The following DIS3L2 variants were observed in gnomAD, a reference collection of about 807,000 sequenced individuals.
DIS3L2 encodes the protein DIS3-like exonuclease 2.
A neutral mutation model predicts 97.5 loss-of-function variants in DIS3L2; 34 were observed. That is an observed-to-expected ratio of 0.35 (90% CI 0.27 to 0.46). DIS3L2 has a LOEUF of 0.46. DIS3L2 is among the 20% of genes least tolerant of loss of function. DIS3L2 has a pLI of 1.00. For missense variants in DIS3L2, 1,038 were observed against 1,146.0 expected (o/e 0.91, Z 1.36); for synonymous variants, 435 against 445.2 (o/e 0.98, Z 0.29).
chr2:232,322,399 G>A (rs1695460997), intron 14 of DIS3L2, among the ~76,000 whole-genome samples: 1 of 152,214 alleles, frequency 6.6e-6, no homozygotes. Flanking sequence ...CCACACTGTG[G>A]CATGGGACCT....
chr2:232,059,664 G>C (rs1695647796), intron 5 of DIS3L2, among the ~76,000 whole-genome samples: 1 of 152,072 alleles, frequency 6.6e-6, no homozygotes, highest in African/African-American at 2.4e-5. Flanking sequence ...AGTCCCCAGT[G>C]TCTGTTGCTG....
chr2:232,329,785 T>TACCGGGGG, intron 14 of DIS3L2, 28 bp from the exon 15 acceptor site: 9 of 967,134 alleles, frequency 9.3e-6, no homozygotes, highest in Non-Finnish European at 1.2e-5. Flanking sequence ...ACCCCAGCGG[T>TACCGGGGG]CCCTCCCATC....
chr2:232,079,367 C>T (rs1015754754), intron 5 of DIS3L2, among the ~76,000 whole-genome samples: 6 of 151,750 alleles, frequency 4.0e-5, no homozygotes, highest in Non-Finnish European at 8.8e-5. Context: ...GAGGCTGAGG[C>T]GGGCAGATCA....
intron 1 of DIS3L2, among the ~76,000 whole-genome samples, chr2:231,980,784 C>G (rs532294793): frequency 3.3e-5 from 5 of 152,094 alleles, no homozygotes; most frequent in African/African-American, 1.2e-4. Flanking sequence ...ACTTTTTCAA[C>G]TCATTTTTAA....
chr2:232,269,397 T>C lies in DIS3L2; in HGVS notation c.1659+5957T>C, dbSNP rs1693927126. Among the ~76,000 whole-genome samples, 4 of 152,264 alleles carry C rather than the reference T, an allele frequency of 2.6e-5. No individual in the cohort carries two copies. Among genetic ancestry groups the C allele is most frequent in the Admixed American group, 6.5e-5 (1 of 15,288 alleles). ...TTGGTCTTATTATTTATGTTGTCAC[T>C]TAAACACACGAGGAAGCTATTGATC... On this transcript the variant is annotated intron_variant, in intron 13 of 20. Coordinates refer to ENST00000325385, the MANE Select transcript of DIS3L2 (RefSeq NM_152383.5). The surrounding 1 kb of genome is among the most constrained non-coding windows in gnomAD (Gnocchi z 4.5).
At chr2:232,187,631 C>T (rs1182983603) in intron 9 of DIS3L2, among the ~76,000 whole-genome samples, 2 of 151,998 alleles carry the variant, frequency 1.3e-5, no homozygotes, top group African/African-American at 2.4e-5. Flanking sequence ...TTAGTAGAGA[C>T]AGGGTTTCAC....
At chr2:232,328,392 C>T (rs979049064) in intron 14 of DIS3L2, 10 of 152,288 alleles carry the variant, frequency 6.6e-5, no homozygotes, top group Non-Finnish European at 1.0e-4. Context: ...CTCAGGCTCC[C>T]TGGGGAGGCA....
At chr2:232,225,020 G>A (rs1692605823) in intron 10 of DIS3L2, among the ~76,000 whole-genome samples, 1 of 151,964 alleles carries the variant, frequency 6.6e-6, no homozygotes, top group African/African-American at 2.4e-5. Flanking sequence ...AAGTCCAGGG[G>A]GAAAATGGAG....
chr2:232,163,267 G>A (rs1025375175), intron 8 of DIS3L2, among the ~76,000 whole-genome samples, 192 bp from the exon 9 acceptor site: 2 of 152,132 alleles, frequency 1.3e-5, no homozygotes, highest in East Asian at 1.9e-4. Context: ...TGTAGTTACC[G>A]ATTTAACAGG....
chr2:232,205,211 C>CATATATATATATATATATATATATATAT (rs57163508), intron 9 of DIS3L2, among the ~76,000 whole-genome samples: 1 of 140,558 alleles, frequency 7.1e-6, no homozygotes, highest in African/African-American at 2.7e-5. Context: ...AGGCAGTTTA[C>CATATATATATATATATATATATATATAT]ATATATATAT....
chr2:232,320,661 T>C (rs1257518616), intron 14 of DIS3L2, among the ~76,000 whole-genome samples: 2 of 152,220 alleles, frequency 1.3e-5, no homozygotes, highest in Non-Finnish European at 2.9e-5. Flanking sequence ...CCTTTATTAC[T>C]AGGGGGCTGT....
rs6711186 is a variant in DIS3L2, at chr2:232,343,824, T to C, written c.*249T>C. 115,345 of 420,556 alleles carry C rather than the reference T, an allele frequency of 0.27. 24,428 individuals carry two copies. Among genetic ancestry groups the C allele is most frequent in the African/African-American group, 0.73 (36,185 of 49,576 alleles). The allele number at this position is 420,556 out of a possible 1,614,324, so 26.1% of individuals were successfully genotyped here. On this transcript the variant is annotated 3_prime_UTR_variant, in exon 14 of 14. Transcript: ENST00000273009. ...CAAGTACATTCCAATACCCAATCTT[T>C]TCCCTCAGATTTTCCATCTCCAGAG...
intron 1 of DIS3L2, among the ~76,000 whole-genome samples, chr2:231,967,770 G>T (rs755250683): frequency 6.6e-6 from 1 of 152,108 alleles, no homozygotes; most frequent in Non-Finnish European, 1.5e-5. Context: ...AAGTAAGGAT[G>T]CCTTATAAGT....
chr2:232,081,682 T>C (rs1374583083), intron 5 of DIS3L2, among the ~76,000 whole-genome samples: 1 of 152,204 alleles, frequency 6.6e-6, no homozygotes, highest in Non-Finnish European at 1.5e-5. Context: ...CTAGTAGCCA[T>C]TGATAGCTTT....
chr2:232,104,877 G>A (rs913805196), intron 6 of DIS3L2, among the ~76,000 whole-genome samples: 9 of 152,156 alleles, frequency 5.9e-5, no homozygotes, highest in African/African-American at 1.9e-4. Context: ...GAGTGCAGTG[G>A]TGTGATCTCG....
intron 10 of DIS3L2, among the ~76,000 whole-genome samples, chr2:232,218,377 T>C (rs1054571114): frequency 1.3e-5 from 2 of 152,066 alleles, no homozygotes; most frequent in African/African-American, 4.8e-5. Context: ...TCCTACAAAG[T>C]CTGGAGGATA....
At chr2:232,339,297 GA>G (rs935039492), downstream of DIS3L2, among the ~76,000 whole-genome samples, 26 of 152,248 alleles carry the variant, frequency 1.7e-4, no homozygotes, top group African/African-American at 5.5e-4. Context: ...GCGGGCGCCA[GA>G]GGAGGCGAGG....
At chr2:232,191,068 G>A (rs893615280) in intron 9 of DIS3L2, among the ~76,000 whole-genome samples, 1 of 152,138 alleles carries the variant, frequency 6.6e-6, no homozygotes, top group Non-Finnish European at 1.5e-5. Flanking sequence ...TGAGTGGAGC[G>A]AAAGCCAGAT....
At chr2:232,120,905 A>AC (rs1697882781) in intron 6 of DIS3L2, among the ~76,000 whole-genome samples, 1 of 151,118 alleles carries the variant, frequency 6.6e-6, no homozygotes, top group Non-Finnish European at 1.5e-5. Flanking sequence ...CTGTCCAGGG[A>AC]CCCCTCCCTT....
Sources: gnomAD v4.1 joint callset for allele counts (sites outside exome capture counted in the v4.1 genomes callset) on GRCh38, gnomAD v4.1.1 for gene constraint, Gnocchi (gnomAD v3.1) non-coding constraint, MANE v1.5 for transcripts, NCBI Gene and HGNC (gene_info 2026-07-23, HGNC 2026-07-21) for gene names.